Variants in ARID3B observed in about 807,000 individuals in gnomAD.
ARID3B encodes AT-rich interaction domain 3B.
In ARID3B, 10 loss-of-function variants were observed where a neutral mutation model predicts 51.9. That is an observed-to-expected ratio of 0.19 (90% CI 0.12 to 0.33). The LOEUF is 0.33. ARID3B is among the 10% of genes least tolerant of loss of function. The pLI is 1.00. For missense variants in ARID3B, 483 were observed against 716.3 expected (o/e 0.67, Z 3.72); for synonymous variants, 205 against 279.5 (o/e 0.73, Z 2.66).
chr15:74,578,278 A>G (rs1014291980), intron 4 of ARID3B, among the ~76,000 whole-genome samples: 1 of 150,718 alleles, frequency 6.6e-6, no homozygotes, highest in African/African-American at 2.5e-5. Flanking sequence ...GGTTCAAGCT[A>G]TTCTCCTGCC....
chr15:74,565,522 T>A (rs763553282), intron 2 of ARID3B, among the ~76,000 whole-genome samples: 1 of 152,116 alleles, frequency 6.6e-6, no homozygotes, highest in Non-Finnish European at 1.5e-5. Flanking sequence ...ACCCTTGCCT[T>A]GGGGAGGAAT....
chr15:74,547,006 A>T (rs1434729418), intron 2 of ARID3B, among the ~76,000 whole-genome samples: 1 of 151,872 alleles, frequency 6.6e-6, no homozygotes, highest in Non-Finnish European at 1.5e-5. Flanking sequence ...TCTTGGGGAG[A>T]GCCTATAGAA....
chr15:74,544,557 G>C (rs111490747), intron 2 of ARID3B, 69 bp downstream of exon 2: 12 of 1,514,246 alleles, frequency 7.9e-6, no homozygotes, highest in African/African-American at 6.9e-5. Context: ...GGACTGACAG[G>C]GTCAGGGGCT....
In ARID3B at chr15:74,597,833, A is replaced by G. The variant is rs2061834354; in HGVS notation, c.*2059A>G. The G allele has an allele frequency of 9.9e-6, 5 of 502,736 alleles. No homozygotes were observed. Among genetic ancestry groups the G allele is most frequent in the South Asian group, 8.3e-5 (5 of 60,462 alleles). The allele number at this position is 502,736 out of a possible 1,614,324, so 31.1% of individuals were successfully genotyped here. On this transcript the variant is annotated 3_prime_UTR_variant, in exon 9 of 9. Coordinates refer to ENST00000346246, the MANE Select transcript of ARID3B (RefSeq NM_006465.4). ...TGAACCCTCACTGCCCTCAAGGACA[A>G]CAGCAGGGTGTCACCCAGAGCCCGA...
intron 2 of ARID3B, among the ~76,000 whole-genome samples, chr15:74,557,289 G>C (rs2061662283): frequency 6.6e-6 from 1 of 151,558 alleles, no homozygotes; most frequent in African/African-American, 2.4e-5. Context: ...GTTGGTACCT[G>C]CCTGTAGTCC....
chr15:74,558,124 AACTT>A (rs1333055330), intron 2 of ARID3B, among the ~76,000 whole-genome samples: 16 of 150,546 alleles, frequency 1.1e-4, no homozygotes, highest in African/African-American at 3.9e-4. Context: ...CCGGCCTTTC[AACTT>A]ACTTTTATTC....
intron 8 of ARID3B, among the ~76,000 whole-genome samples, chr15:74,594,903 G>A (rs2061818527): frequency 1.3e-5 from 2 of 152,220 alleles, no homozygotes; most frequent in African/African-American, 4.8e-5. Flanking sequence ...TTGGAATTAG[G>A]TCCATGGAGA....
intron 4 of ARID3B, among the ~76,000 whole-genome samples, chr15:74,579,828 C>CGT (rs374538596): frequency 0.098 from 13,545 of 137,656 alleles, 732 homozygotes; most frequent in Middle Eastern, 0.12. Context: ...CACCTGTTGC[C>CGT]GTGTGTGTGT....
At chr15:74,570,410 TTAAA>T (rs1173588016) in intron 2 of ARID3B, among the ~76,000 whole-genome samples, 1 of 135,450 alleles carries the variant, frequency 7.4e-6, no homozygotes, top group African/African-American at 2.7e-5. Flanking sequence ...CAACTGAGTG[TTAAA>T]TAGTTTTTGA....
chr15:74,547,174 C>T (rs969330113), intron 2 of ARID3B, among the ~76,000 whole-genome samples: 1 of 151,280 alleles, frequency 6.6e-6, no homozygotes, highest in Non-Finnish European at 1.5e-5. Context: ...CCCCCTCCCC[C>T]GCCGACACAG....
At chr15:74,546,404 C>G (rs1021741823) in intron 2 of ARID3B, among the ~76,000 whole-genome samples, 4 of 152,198 alleles carry the variant, frequency 2.6e-5, no homozygotes, top group African/African-American at 4.8e-5. Flanking sequence ...TGTGTGCGGT[C>G]GTTCCTAGAA....
rs982038849 is a variant in ARID3B at position 74,541,279 on chromosome 15, G to C, written c.-129G>C. ...TCCGAGACGCAGCTGCCGCGCCGGG[G>C]CCTGAGCTGCCGCCTCCTCCGCCGC... On this transcript the variant is annotated 5_prime_UTR_variant, in exon 1 of 9. Transcript: ENST00000346246. 6.6e-6 allele frequency: 1 copy of C among 152,216 alleles called. No homozygotes were observed. The highest frequency in any genetic ancestry group is 2.4e-5 in the African/African-American group (1 of 41,448). The allele number at this position is 152,216 out of a possible 1,614,324, so 9.4% of individuals were successfully genotyped here.
rs911336811 is a variant in ARID3B at position 74,597,183 on chromosome 15, A to G, written c.*1409A>G. ...CGCCCCAGGGTATGAGGAGATGAAT[A>G]ACTCCACAGCTCCTCCTGGACCCTG... is the stretch of plus-strand genomic sequence containing the variant. On this transcript the variant is annotated 3_prime_UTR_variant, in exon 9 of 9. Coordinates refer to ENST00000346246, the MANE Select transcript of ARID3B (RefSeq NM_006465.4). 3.5e-6 allele frequency: 1 copy of G among 284,266 alleles called. No homozygotes were observed. The highest frequency in any genetic ancestry group is 6.7e-6 in the Non-Finnish European group (1 of 149,066). 17.6% of individuals were successfully genotyped at this position (284,266 alleles called of 1,614,324 possible). A position where few individuals can be genotyped will look rare whatever the true frequency, so the allele number is the denominator to read the frequency against.
At chr15:74,579,874 C>CGT (rs2061753587) in intron 4 of ARID3B, among the ~76,000 whole-genome samples, 3 of 74,202 alleles carry the variant, frequency 4.0e-5, no homozygotes, top group African/African-American at 1.0e-4. Flanking sequence ...TGTGTGTGTG[C>CGT]GCGCGCGCGC....
chr15:74,587,954 G>A (rs1227249695), intron 4 of ARID3B, among the ~76,000 whole-genome samples: 8 of 152,164 alleles, frequency 5.3e-5, no homozygotes, highest in African/African-American at 1.4e-4. Context: ...TTAGGAAAGA[G>A]GCCTAAGCCA....
intron 2 of ARID3B, among the ~76,000 whole-genome samples, chr15:74,549,166 C>T (rs1350817775): frequency 3.3e-5 from 5 of 151,972 alleles, no homozygotes; most frequent in East Asian, 1.9e-4. Flanking sequence ...CTCCACCCCC[C>T]GGGGTTCACG....
At chr15:74,577,676 C>T (rs1311286585) in intron 4 of ARID3B, among the ~76,000 whole-genome samples, 1 of 152,048 alleles carries the variant, frequency 6.6e-6, no homozygotes, top group Non-Finnish European at 1.5e-5. Flanking sequence ...TGTGCACCAC[C>T]ACACTCAGCT....
chr15:74,587,880 TGACCCTCCAAG>T (rs2061786999), intron 4 of ARID3B, among the ~76,000 whole-genome samples: 1 of 152,148 alleles, frequency 6.6e-6, no homozygotes, highest in Non-Finnish European at 1.5e-5. Flanking sequence ...CCTTTGTCCT[TGACCCTCCAAG>T]GACCAGCAGG....
intron 8 of ARID3B, among the ~76,000 whole-genome samples, chr15:74,595,382 C>T (rs1362104186): frequency 1.3e-5 from 2 of 152,118 alleles, no homozygotes; most frequent in Non-Finnish European, 2.9e-5. Context: ...TGTCTCAGAG[C>T]ATTTATGACA....
Sources: allele counts gnomAD v4.1 joint callset (sites outside exome capture counted in the v4.1 genomes callset), GRCh38; gene constraint gnomAD v4.1.1; transcripts MANE v1.5; gene names NCBI Gene and HGNC (gene_info 2026-07-23, HGNC 2026-07-21).